IPCEF1: variants seen among roughly 807,000 people sequenced by gnomAD.
IPCEF1 encodes interactor protein for cytohesin exchange factors 1.
Under a neutral mutation model 50.9 loss-of-function variants are expected in IPCEF1, and 31 were observed. That is an observed-to-expected ratio of 0.61 (90% CI 0.46 to 0.82). The LOEUF (loss-of-function observed/expected upper bound fraction) is 0.82. Among genes scored for constraint, IPCEF1 ranks in the 40% least tolerant of loss-of-function variants. The pLI, the probability that IPCEF1 is intolerant of heterozygous loss-of-function variation, is 0.00. For missense variants in IPCEF1, 458 were observed against 514.0 expected, an observed-to-expected ratio of 0.89 and a Z score of 1.05; for synonymous variants, 181 against 192.0, an observed-to-expected ratio of 0.94 and a Z score of 0.47.
chr6:154,225,773 CTA>C (rs1779200891), intron 5 of IPCEF1, among the ~76,000 whole-genome samples: 1 of 152,192 alleles, frequency 6.6e-6, no homozygotes, highest in Non-Finnish European at 1.5e-5. Context: ...TTTTAAGAAT[CTA>C]TGTTAGGCTA....
chr6:154,161,004 T>G (rs1412136681), intron 11 of IPCEF1, among the ~76,000 whole-genome samples: 2 of 152,240 alleles, frequency 1.3e-5, no homozygotes, highest in East Asian at 3.9e-4. Flanking sequence ...CTGGCACCAT[T>G]TGTTGATACT....
chr6:154,328,103 G>C (rs1783566676), intron 1 of IPCEF1, among the ~76,000 whole-genome samples: 1 of 152,140 alleles, frequency 6.6e-6, no homozygotes. Flanking sequence ...AGGAAGACTA[G>C]CTAATGGATG....
At chr6:154,271,767 TGA>T (rs1781907626) in intron 2 of IPCEF1, among the ~76,000 whole-genome samples, 1 of 152,148 alleles carries the variant, frequency 6.6e-6, no homozygotes, top group Non-Finnish European at 1.5e-5. Flanking sequence ...AAGGATCACT[TGA>T]GACCAGGAGT....
chr6:154,243,972 TC>T (rs1780811555), intron 5 of IPCEF1, among the ~76,000 whole-genome samples: 1 of 152,164 alleles, frequency 6.6e-6, no homozygotes, highest in African/African-American at 2.4e-5. Flanking sequence ...AGGTGGCTCT[TC>T]CTAAGATGCT....
intron 5 of IPCEF1, among the ~76,000 whole-genome samples, chr6:154,225,269 A>G (rs1325031030): frequency 6.6e-6 from 1 of 152,202 alleles, no homozygotes; most frequent in Non-Finnish European, 1.5e-5. Flanking sequence ...AGAGGAATTG[A>G]AAAAGGGTAC....
At chr6:154,219,737 G>A (rs1778701405) in intron 7 of IPCEF1, among the ~76,000 whole-genome samples, 1 of 151,988 alleles carries the variant, frequency 6.6e-6, no homozygotes, top group East Asian at 1.9e-4. Context: ...GAAAACCAAG[G>A]GGATAAAAAA....
chr6:154,350,360 A>G (rs551999051), intron 1 of IPCEF1, among the ~76,000 whole-genome samples: 5 of 152,358 alleles, frequency 3.3e-5, no homozygotes, highest in East Asian at 1.9e-4. Context: ...TGGGATCACT[A>G]TCTAGACTCC....
At chr6:154,323,709 T>C (rs1324814894) in intron 1 of IPCEF1, among the ~76,000 whole-genome samples, 2 of 152,094 alleles carry the variant, frequency 1.3e-5, no homozygotes, top group Non-Finnish European at 2.9e-5. Flanking sequence ...TCCCAACACT[T>C]TGGGAGGCCG....
At chr6:154,301,741 A>T (rs932767126) in intron 1 of IPCEF1, among the ~76,000 whole-genome samples, 2 of 152,210 alleles carry the variant, frequency 1.3e-5, no homozygotes, top group Non-Finnish European at 2.9e-5. Context: ...CATAGTCTCA[A>T]ATTGAACCAG....
intron 3 of IPCEF1, among the ~76,000 whole-genome samples, chr6:154,258,759 ACC>A (rs1781522352): frequency 6.6e-6 from 1 of 152,078 alleles, no homozygotes; most frequent in Non-Finnish European, 1.5e-5. Context: ...GATCCTCAAA[ACC>A]CATTCAACAC....
intron 11 of IPCEF1, 142 bp downstream of exon 11, chr6:154,167,778 G>T: frequency 1.7e-6 from 1 of 579,084 alleles, no homozygotes; most frequent in Non-Finnish European, 3.0e-6. Flanking sequence ...AGATCATCTT[G>T]CCCTATAAAG....
At chr6:154,228,981 C>T (rs546921713) in intron 5 of IPCEF1, among the ~76,000 whole-genome samples, 1 of 152,336 alleles carries the variant, frequency 6.6e-6, no homozygotes, top group African/African-American at 2.4e-5. Context: ...CCCTTCCTAC[C>T]TCATTCCCCT....
At chr6:154,314,232 C>T (rs1783157515) in intron 1 of IPCEF1, among the ~76,000 whole-genome samples, 2 of 152,122 alleles carry the variant, frequency 1.3e-5, no homozygotes, top group South Asian at 4.1e-4. Flanking sequence ...GGATTATCAG[C>T]TCATCTTAGA....
intron 1 of IPCEF1, among the ~76,000 whole-genome samples, chr6:154,341,416 G>C (rs1196465187): frequency 6.6e-6 from 1 of 152,190 alleles, no homozygotes; most frequent in Non-Finnish European, 1.5e-5. Flanking sequence ...GCCTACAGAA[G>C]GGATCATTTG....
intron 10 of IPCEF1, among the ~76,000 whole-genome samples, chr6:154,172,145 T>C (rs1799924503): frequency 6.6e-6 from 1 of 152,196 alleles, no homozygotes; most frequent in African/African-American, 2.4e-5. Context: ...TGTAATTATG[T>C]CACAGTAAAA....
chr6:154,184,514 T>C (rs1801168974), intron 10 of IPCEF1, among the ~76,000 whole-genome samples: 1 of 152,074 alleles, frequency 6.6e-6, no homozygotes, highest in Non-Finnish European at 1.5e-5. Context: ...ACCAATGGTA[T>C]ATGTGTGTAC....
Position 154,159,002 on chromosome 6 carries a change from C to T in IPCEF1, c.*826G>A, listed in dbSNP as rs1798824891. On this transcript the variant is annotated 3_prime_UTR_variant, in exon 12 of 12. Coordinates refer to ENST00000367220, the MANE Select transcript of IPCEF1 (RefSeq NM_001130700.2). Reference sequence around the variant, plus strand: ...CCTGGGAAACCTGGATATAAATTCACACTATGTATAGGGATCACAGCCAAG... The same window carrying T: ...CCTGGGAAACCTGGATATAAATTCATACTATGTATAGGGATCACAGCCAAG... The T allele has an allele frequency of 6.6e-6, 1 of 152,126 alleles. No homozygotes were observed. Among genetic ancestry groups the T allele is most frequent in the Admixed American group, 6.5e-5 (1 of 15,272 alleles). 9.4% of individuals were successfully genotyped at this position (152,126 alleles called of 1,614,324 possible).
chr6:154,215,187 T>C (rs1383067480), intron 7 of IPCEF1, among the ~76,000 whole-genome samples: 3 of 152,232 alleles, frequency 2.0e-5, no homozygotes, highest in African/African-American at 7.2e-5. Context: ...TTCAGCATAC[T>C]ACACTTGCAC....
intron 1 of IPCEF1, among the ~76,000 whole-genome samples, chr6:154,342,014 A>T (rs1783928456): frequency 6.6e-6 from 1 of 152,122 alleles, no homozygotes. Flanking sequence ...GTCATGCAAC[A>T]TCCTTTTCCA....
Sources: allele counts gnomAD v4.1 joint callset (sites outside exome capture counted in the v4.1 genomes callset), GRCh38; gene constraint gnomAD v4.1.1; transcripts MANE v1.5; gene names NCBI Gene and HGNC (gene_info 2026-07-23, HGNC 2026-07-21).